Variants in BMAL1 observed in about 807,000 individuals in gnomAD.
BMAL1 encodes the protein basic helix-loop-helix ARNT like 1.
chr11:13,277,976 G>A, the BMAL1 span: 2 of 151,404 alleles, frequency 1.3e-5, no homozygotes, highest in Non-Finnish European at 2.9e-5. Flanking sequence ...ACCCCGTCGG[G>A]GGCCGTTAGC....
At chr11:13,368,873 A>C in the BMAL1 span, among the ~76,000 whole-genome samples, 1 of 152,254 alleles carries the variant, frequency 6.6e-6, no homozygotes, top group African/African-American at 2.4e-5. Context: ...AAATAAATGT[A>C]AAATTAACTC....
At chr11:13,355,371 C>A in the BMAL1 span, 3 of 1,392,170 alleles carry the variant, frequency 2.2e-6, no homozygotes, top group Non-Finnish European at 3.1e-6. Context: ...TGAGGGCGTT[C>A]TTCCATAGCA....
chr11:13,296,416 C>T, the BMAL1 span, among the ~76,000 whole-genome samples: 1 of 152,164 alleles, frequency 6.6e-6, no homozygotes, highest in Non-Finnish European at 1.5e-5. Flanking sequence ...ACCCACAGAC[C>T]GATTTTAACC....
chr11:13,373,918 G>A, the BMAL1 span, among the ~76,000 whole-genome samples: 1 of 151,596 alleles, frequency 6.6e-6, no homozygotes, highest in Non-Finnish European at 1.5e-5. Context: ...AAATTCAGAT[G>A]CCTGAAAAAA....
At chr11:13,339,128 T>C in the BMAL1 span, among the ~76,000 whole-genome samples, 1 of 152,232 alleles carries the variant, frequency 6.6e-6, no homozygotes, top group Non-Finnish European at 1.5e-5. Context: ...TTTGTGCAGT[T>C]CATGGACTGG....
chr11:13,324,257 G>A, the BMAL1 span, among the ~76,000 whole-genome samples: 1 of 152,132 alleles, frequency 6.6e-6, no homozygotes, highest in Non-Finnish European at 1.5e-5. Flanking sequence ...ACTCTCCAGC[G>A]GCTTTCTGGC....
chr11:13,302,201 A>G, the BMAL1 span, among the ~76,000 whole-genome samples: 2 of 152,272 alleles, frequency 1.3e-5, no homozygotes, highest in African/African-American at 4.8e-5. Context: ...CCAGAGCTGC[A>G]GACAATCCCA....
chr11:13,317,180 G>C, the BMAL1 span, among the ~76,000 whole-genome samples: 1 of 152,130 alleles, frequency 6.6e-6, no homozygotes, highest in Non-Finnish European at 1.5e-5. Context: ...GAAGACTTTG[G>C]AACAGATATA....
At chr11:13,348,782 C>G in the BMAL1 span, among the ~76,000 whole-genome samples, 1 of 152,174 alleles carries the variant, frequency 6.6e-6, no homozygotes, top group Non-Finnish European at 1.5e-5. Flanking sequence ...GTTCCTGAAT[C>G]AGACTGCAAT....
the BMAL1 span, among the ~76,000 whole-genome samples, chr11:13,278,099 C>A: frequency 1.3e-5 from 2 of 152,142 alleles, no homozygotes; most frequent in Non-Finnish European, 2.9e-5. Flanking sequence ...GCTCCCTGCC[C>A]CCACCCGGGC....
chr11:13,381,359 G>GA, the BMAL1 span: 1 of 1,078,038 alleles, frequency 9.3e-7, no homozygotes, highest in Non-Finnish European at 1.4e-6. Flanking sequence ...GAAACAATTT[G>GA]GACTACTTCC....
the BMAL1 span, among the ~76,000 whole-genome samples, chr11:13,329,210 G>A: frequency 1.3e-5 from 2 of 152,154 alleles, no homozygotes; most frequent in Admixed American, 6.5e-5. Context: ...ACCCCTTTAC[G>A]TCGGATGGCC....
the BMAL1 span, among the ~76,000 whole-genome samples, chr11:13,362,419 A>C: frequency 6.6e-6 from 1 of 152,198 alleles, no homozygotes; most frequent in African/African-American, 2.4e-5. Context: ...CCCACAGTCC[A>C]GCTTGTCATT....
chr11:13,284,510 C>T, the BMAL1 span, among the ~76,000 whole-genome samples: 1 of 151,262 alleles, frequency 6.6e-6, no homozygotes, highest in African/African-American at 2.4e-5. Flanking sequence ...TCAGAGCTCT[C>T]GTCCTGAGCT....
At chr11:13,308,657 A>G in the BMAL1 span, among the ~76,000 whole-genome samples, 123 of 152,348 alleles carry the variant, frequency 8.1e-4, 1 homozygote, top group African/African-American at 2.5e-3. Context: ...GGCCAAATGC[A>G]TATGCTGTTG....
chr11:13,348,213 G>A, the BMAL1 span, among the ~76,000 whole-genome samples: 4 of 152,350 alleles, frequency 2.6e-5, no homozygotes, highest in Non-Finnish European at 4.4e-5. Flanking sequence ...TGCAAGAAAC[G>A]TGGGCCCAGC....
the BMAL1 span, among the ~76,000 whole-genome samples, chr11:13,360,071 C>G: frequency 1.3e-5 from 2 of 152,126 alleles, no homozygotes; most frequent in Non-Finnish European, 2.9e-5. Context: ...GTTAAACTTC[C>G]TTCTATTATC....
At chr11:13,318,544 GTTTTTTTTTTTT>G in the BMAL1 span, among the ~76,000 whole-genome samples, 1 of 49,320 alleles carries the variant, frequency 2.0e-5, no homozygotes, top group South Asian at 1.5e-3. Context: ...AAGACACTTA[GTTTTTTTTTTTT>G]TTTTTTTTTT....
the BMAL1 span, among the ~76,000 whole-genome samples, chr11:13,283,077 C>T: frequency 6.6e-6 from 1 of 152,178 alleles, no homozygotes; most frequent in Non-Finnish European, 1.5e-5. Context: ...TGCAGGGGAA[C>T]GTTGAGTACT....
Sources: gnomAD v4.1 joint callset for allele counts (sites outside exome capture counted in the v4.1 genomes callset) on GRCh38, gnomAD v4.1.1 for gene constraint, MANE v1.5 for transcripts, NCBI Gene and HGNC (gene_info 2026-07-23, HGNC 2026-07-21) for gene names.